Variants in DPP10 observed in about 807,000 individuals in gnomAD.
The protein encoded by DPP10 is inactive dipeptidyl peptidase 10.
In DPP10, 33 loss-of-function variants were observed where a neutral mutation model predicts 120.9. The observed-to-expected ratio is 0.27, with a 90% CI of 0.21 to 0.37. The LOEUF is 0.37. DPP10 is among the 10% of genes least tolerant of loss of function. The pLI, the probability that DPP10 is intolerant of heterozygous loss-of-function variation, is 1.00. For synonymous variants in DPP10, 337 were observed against 326.1 expected (o/e 1.03, Z -0.36); for missense variants, 816 against 942.8 (o/e 0.87, Z 1.76).
intron 1 of DPP10, among the ~76,000 whole-genome samples, chr2:114,889,622 T>C (rs1377939139): frequency 5.3e-5 from 8 of 152,188 alleles, no homozygotes; most frequent in Non-Finnish European, 1.0e-4. Context: ...GGCTATTTTT[T>C]ATCCTCCTAT....
intron 1 of DPP10, among the ~76,000 whole-genome samples, chr2:115,033,893 C>CTTTTTTTTTTT (rs965717193): frequency 7.2e-4 from 65 of 89,848 alleles, no homozygotes; most frequent in African/African-American, 1.2e-3. Context: ...TTTTCTTTTT[C>CTTTTTTTTTTT]TTTTTTTTTT....
chr2:115,714,428 G>T (rs1253397608), intron 7 of DPP10, among the ~76,000 whole-genome samples: 1 of 152,026 alleles, frequency 6.6e-6, no homozygotes, highest in African/African-American at 2.4e-5. Context: ...TCCAAAATTG[G>T]ACCAGTATTG....
rs2076715346 is a variant in DPP10, at chr2:115,502,139, AT to A, written c.366+2536del. Among the ~76,000 whole-genome samples the A allele has an allele frequency of 2.0e-5, 3 of 152,204 alleles. No homozygotes were observed. In the South Asian group the frequency reaches 6.2e-4, roughly 32 times the overall value. On this transcript the variant is annotated intron_variant, in intron 4 of 25. Transcript: ENST00000410059. ...TTGACATCTTAATTTATCTTATGAT[AT>A]CTTGTTTGACATCTTATCACTTTTC... is the stretch of plus-strand genomic sequence containing the variant.
At position 115,762,622 on chromosome 2, in the gene DPP10, G is replaced by T; in HGVS notation, c.1113+12G>T. ...GGCTCTCTCAGCAGGTACAGTATAG[G>T]TGGTCTGTCACATCTTGGCCATTGT... is the stretch of plus-strand genomic sequence containing the variant. On this transcript the variant is annotated intron_variant, in intron 12 of 25. Coordinates refer to ENST00000410059, the MANE Select transcript of DPP10 (RefSeq NM_020868.6). The T allele has an allele frequency of 6.2e-7, 1 of 1,612,852 alleles. No individual in the cohort carries two copies. The highest frequency in any genetic ancestry group is 8.5e-7 in the Non-Finnish European group (1 of 1,179,830).
intron 1 of DPP10, among the ~76,000 whole-genome samples, chr2:114,913,389 T>C (rs571836703): frequency 3.2e-4 from 49 of 152,206 alleles, no homozygotes; most frequent in South Asian, 1.5e-3. Flanking sequence ...CCTTGGGTCC[T>C]CCAGTGCAGG....
At chr2:114,623,484 A>G (rs1694255610) in intron 1 of DPP10, among the ~76,000 whole-genome samples, 1 of 152,164 alleles carries the variant, frequency 6.6e-6, no homozygotes, top group Non-Finnish European at 1.5e-5. Context: ...ATGCACTTCT[A>G]GTTCCTTGCA....
intron 1 of DPP10, among the ~76,000 whole-genome samples, chr2:115,149,034 C>T (rs1362268032): frequency 6.6e-6 from 1 of 152,098 alleles, no homozygotes; most frequent in Admixed American, 6.6e-5. Context: ...AATCTGTTGA[C>T]AAATATGGGC....
At chr2:115,540,251 A>T (rs1356742663) in intron 5 of DPP10, among the ~76,000 whole-genome samples, 5 of 151,986 alleles carry the variant, frequency 3.3e-5, no homozygotes, top group African/African-American at 9.7e-5. Context: ...GTATTGCATT[A>T]TGATGCTTAA....
intron 5 of DPP10, among the ~76,000 whole-genome samples, chr2:115,646,506 C>T (rs2087273220): frequency 6.6e-6 from 1 of 152,178 alleles, no homozygotes; most frequent in Admixed American, 6.6e-5. Context: ...AACACCATGT[C>T]TGTACATTGG....
chr2:115,241,669 C>A (rs1033565807), intron 1 of DPP10, among the ~76,000 whole-genome samples: 7 of 152,076 alleles, frequency 4.6e-5, no homozygotes, highest in Admixed American at 2.6e-4. Context: ...TTAATCAAAC[C>A]ATTTCTATTT....
chr2:115,555,463 G>A (rs1002063891), intron 5 of DPP10, among the ~76,000 whole-genome samples: 2 of 151,990 alleles, frequency 1.3e-5, no homozygotes, highest in African/African-American at 2.4e-5. Context: ...GGAAAACTAC[G>A]ATGAGAAGAG....
At chr2:115,745,195 T>C (rs758894361) in intron 9 of DPP10, among the ~76,000 whole-genome samples, 2 of 149,296 alleles carry the variant, frequency 1.3e-5, no homozygotes, top group Non-Finnish European at 3.0e-5. Flanking sequence ...AAGAACATCC[T>C]GGGTTTAAAT....
intron 1 of DPP10, among the ~76,000 whole-genome samples, chr2:114,640,496 T>C (rs552421920): frequency 1.1e-4 from 16 of 151,924 alleles, no homozygotes; most frequent in African/African-American, 3.4e-4. Flanking sequence ...GATTCTTCCA[T>C]AGTGTAGATA....
chr2:114,774,517 A>G (rs1298068187), intron 1 of DPP10, among the ~76,000 whole-genome samples: 2 of 151,080 alleles, frequency 1.3e-5, no homozygotes, highest in African/African-American at 4.9e-5. Flanking sequence ...AAGCAGATTT[A>G]CTCCTTAACA....
At chr2:115,649,662 T>G (rs561601354) in intron 5 of DPP10, among the ~76,000 whole-genome samples, 1 of 152,270 alleles carries the variant, frequency 6.6e-6, no homozygotes, top group Non-Finnish European at 1.5e-5. Flanking sequence ...TATTGCATTC[T>G]ATTACCAAGT....
intron 1 of DPP10, among the ~76,000 whole-genome samples, chr2:115,140,183 A>C (rs773731337): frequency 3.9e-5 from 6 of 152,362 alleles, no homozygotes; most frequent in East Asian, 3.9e-4. Flanking sequence ...CAAGGATGCT[A>C]TTTTAGAGAA....
intron 19 of DPP10, among the ~76,000 whole-genome samples, chr2:115,800,359 C>T (rs1386711963): frequency 2.6e-5 from 4 of 152,042 alleles, no homozygotes; most frequent in Admixed American, 1.3e-4. Flanking sequence ...GAGTAGGTTG[C>T]AAAAATTTTC....
Position 114,928,097 on chromosome 2 carries a change from C to T in DPP10, c.61-381142C>T, listed in dbSNP as rs1471283416. On this transcript the variant is annotated intron_variant, in intron 1 of 25. Coordinates refer to ENST00000410059, the MANE Select transcript of DPP10 (RefSeq NM_020868.6). ...AACTTATGAGGTTTGGGGAGACAAA[C>T]ATCCAAACTACAGCATTTTGCCCCT... is the stretch of plus-strand genomic sequence containing the variant. 2.6e-5 allele frequency among the ~76,000 whole-genome samples: 4 copies of T among 152,296 alleles called. 1 individual carries two copies. The South Asian group carries it at 6.2e-4, about 24-fold the overall frequency.
intron 5 of DPP10, among the ~76,000 whole-genome samples, chr2:115,633,044 C>T (rs974658716): frequency 6.6e-6 from 1 of 152,176 alleles, no homozygotes; most frequent in African/African-American, 2.4e-5. Flanking sequence ...GGATCTAGAA[C>T]TAGAAATACC....
Sources: gnomAD v4.1 joint callset for allele counts (sites outside exome capture counted in the v4.1 genomes callset) on GRCh38, gnomAD v4.1.1 for gene constraint, MANE v1.5 for transcripts, NCBI Gene and HGNC (gene_info 2026-07-23, HGNC 2026-07-21) for gene names.